PLEKHG1: variants seen among roughly 807,000 people sequenced by gnomAD.
The protein encoded by PLEKHG1 is pleckstrin homology domain-containing family G member 1.
In PLEKHG1, 44 loss-of-function variants were observed where a neutral mutation model predicts 100.8. That is an observed-to-expected ratio of 0.44 (90% CI 0.34 to 0.56). The LOEUF is 0.56. PLEKHG1 is among the 20% of genes least tolerant of loss of function. PLEKHG1 has a pLI of 0.01. For missense variants in PLEKHG1, 1,545 were observed against 1,720.9 expected (o/e 0.90, Z 1.81); for synonymous variants, 640 against 662.5 (o/e 0.97, Z 0.52).
exon 16 of PLEKHG1, chr6:150,840,605 G>A (rs758635747): frequency 2.5e-6 from 4 of 1,614,098 alleles, no homozygotes; most frequent in African/African-American, 2.7e-5. Context: ...AAGAAGATGA[G>A]TCGGAGTTGG....
intron 14 of PLEKHG1, chr6:150,827,763 G>C (rs1228287329): frequency 1.1e-5 from 16 of 1,416,048 alleles, no homozygotes; most frequent in Middle Eastern, 2.3e-4. Flanking sequence ...AGAGGAGGCA[G>C]AAGAGGAGCA....
upstream of PLEKHG1, among the ~76,000 whole-genome samples, chr6:150,717,600 G>T (rs577129056): frequency 3.3e-5 from 5 of 152,316 alleles, no homozygotes; most frequent in Admixed American, 6.5e-5. Context: ...CGTCCTGTGG[G>T]TGCTGCTCTT....
intron 13 of PLEKHG1, among the ~76,000 whole-genome samples, chr6:150,822,657 T>C (rs1369748829): frequency 2.6e-5 from 4 of 152,216 alleles, no homozygotes; most frequent in African/African-American, 9.6e-5. Context: ...TAGCAGAATA[T>C]ACAAAGTTGC....
At chr6:150,830,732 G>A (rs751294829) in exon 15 of PLEKHG1, 1 of 1,614,106 alleles carries the variant, frequency 6.2e-7, no homozygotes, top group African/African-American at 1.3e-5. Flanking sequence ...GATCAGGCAA[G>A]CCTTGTTTCC....
At chr6:150,781,077 G>A (rs1785284323) in intron 3 of PLEKHG1, among the ~76,000 whole-genome samples, 1 of 151,722 alleles carries the variant, frequency 6.6e-6, no homozygotes, top group East Asian at 2.0e-4. Context: ...GTGTCACCCT[G>A]TTGGTCAGGC....
chr6:150,634,968 C>A (rs1454864905), intron 1 of PLEKHG1, among the ~76,000 whole-genome samples: 1 of 152,110 alleles, frequency 6.6e-6, no homozygotes, highest in East Asian at 1.9e-4. Context: ...TTAAAACAAT[C>A]CAGGTGTTGA....
intron 2 of PLEKHG1, among the ~76,000 whole-genome samples, chr6:150,760,578 G>A (rs1005464118): frequency 4.6e-5 from 7 of 151,044 alleles, no homozygotes; most frequent in African/African-American, 9.7e-5. Flanking sequence ...CATAGTCTTC[G>A]AAGACTTTGT....
chr6:150,702,588 G>GTGTGTGTGTGTGTGTGTGTGTGTA (rs1562447502), intron 3 of PLEKHG1, among the ~76,000 whole-genome samples: 2 of 151,720 alleles, frequency 1.3e-5, no homozygotes, highest in African/African-American at 4.9e-5. Context: ...GTGTGTGTGT[G>GTGTGTGTGTGTGTGTGTGTGTGTA]TGTACTTATA....
intron 1 of PLEKHG1, among the ~76,000 whole-genome samples, chr6:150,611,843 C>A (rs932675028): frequency 5.3e-5 from 8 of 150,526 alleles, no homozygotes; most frequent in African/African-American, 1.9e-4. Context: ...AAAATAATGA[C>A]ATTTCTCATA....
At chr6:150,681,746 G>C (rs538957873) in intron 3 of PLEKHG1, among the ~76,000 whole-genome samples, 2 of 152,018 alleles carry the variant, frequency 1.3e-5, no homozygotes, top group African/African-American at 4.8e-5. Flanking sequence ...AGAACCCAGC[G>C]ATTCGGAGCC....
chr6:150,744,706 C>T (rs1783058753), intron 2 of PLEKHG1, among the ~76,000 whole-genome samples: 1 of 152,142 alleles, frequency 6.6e-6, no homozygotes. Context: ...GTGGTGACAT[C>T]CCTCAGTGTC....
chr6:150,666,596 G>C (rs901141525), intron 3 of PLEKHG1, among the ~76,000 whole-genome samples: 2 of 152,040 alleles, frequency 1.3e-5, no homozygotes, highest in Non-Finnish European at 2.9e-5. Flanking sequence ...ACACAGAAAA[G>C]ACCTACTCCT....
At chr6:150,809,501 C>T (rs754408693) in intron 9 of PLEKHG1, 25 bp downstream of exon 10, 12 of 1,574,330 alleles carry the variant, frequency 7.6e-6, no homozygotes, top group Admixed American at 6.7e-5. Flanking sequence ...CTGGCCTCTC[C>T]GCAAGGCCCC....
intron 2 of PLEKHG1, among the ~76,000 whole-genome samples, chr6:150,737,845 C>T (rs754223818): frequency 6.6e-6 from 1 of 151,946 alleles, no homozygotes; most frequent in Non-Finnish European, 1.5e-5. Context: ...ACCCTATCAC[C>T]CAGGCTAGAG....
intron 3 of PLEKHG1, among the ~76,000 whole-genome samples, chr6:150,682,316 G>T (rs1184147021): frequency 6.6e-6 from 1 of 152,170 alleles, no homozygotes; most frequent in Non-Finnish European, 1.5e-5. Context: ...CAAAAGCAAA[G>T]TGTGGCACAA....
chr6:150,779,283 A>G (rs1785162461), intron 3 of PLEKHG1, among the ~76,000 whole-genome samples: 2 of 151,924 alleles, frequency 1.3e-5, no homozygotes, highest in Non-Finnish European at 1.5e-5. Context: ...AGATGAAACT[A>G]AAGCTTGGAG....
At position 150,689,619 on chromosome 6, in the gene PLEKHG1, T is replaced by C. The variant is rs150376651; in HGVS notation, c.-99+38833T>C. On this transcript the variant is annotated intron_variant, in intron 3 of 3. Coordinates refer to the PLEKHG1 transcript ENST00000367326. The stretch of plus-strand genomic sequence containing the variant: ...GGCTCATGCCTGTAATTCCGGCACT[T>C]TGGGAGGCCAAGGTGGGTGGGTCAC... 4.9e-3 allele frequency among the ~76,000 whole-genome samples: 740 copies of C among 152,160 alleles called. 12 individuals are homozygous for C. Among genetic ancestry groups the C allele is most frequent in the East Asian group, 0.042 (219 of 5,176 alleles).
At chr6:150,613,194 G>C (rs181995666) in intron 1 of PLEKHG1, among the ~76,000 whole-genome samples, 1 of 152,258 alleles carries the variant, frequency 6.6e-6, no homozygotes, top group African/African-American at 2.4e-5. Flanking sequence ...TTCTTTCCCA[G>C]ATATCAGAGT....
chr6:150,838,852 A>C (rs1042939534), intron 15 of PLEKHG1, among the ~76,000 whole-genome samples: 1 of 152,148 alleles, frequency 6.6e-6, no homozygotes, highest in Non-Finnish European at 1.5e-5. Context: ...TTGGCGGCCT[A>C]GGCTTTAGTG....
Sources: allele counts gnomAD v4.1 joint callset (sites outside exome capture counted in the v4.1 genomes callset), GRCh38; gene constraint gnomAD v4.1.1; transcripts MANE v1.5; gene names NCBI Gene and HGNC (gene_info 2026-07-23, HGNC 2026-07-21).